The following SWAP70 variants were observed in gnomAD, a reference collection of about 807,000 sequenced individuals.
The protein encoded by SWAP70 is switch-associated protein 70.
Under a neutral mutation model 80.2 loss-of-function variants are expected in SWAP70, and 34 were observed. That is an observed-to-expected ratio of 0.42 (90% CI 0.32 to 0.56). SWAP70 has a LOEUF of 0.56. SWAP70 is among the 20% of genes least tolerant of loss of function. The probability of loss-of-function intolerance (pLI) is 0.09; values close to 1 mark genes in which losing one functional copy is unlikely to be tolerated. For missense variants in SWAP70, 578 were observed against 690.7 expected, an observed-to-expected ratio of 0.84 and a Z score of 1.83; for synonymous variants, 239 against 238.5, an observed-to-expected ratio of 1.00 and a Z score of -0.02.
At chr11:9,676,827 A>AT (rs553733867) in intron 1 of SWAP70, among the ~76,000 whole-genome samples, 217 of 151,120 alleles carry the variant, frequency 1.4e-3, no homozygotes, top group African/African-American at 4.9e-3. Context: ...TTTTTTTTGT[A>AT]TTTTTTTAGC....
At chr11:9,740,121 G>A in intron 8 of SWAP70, 60 bp from the exon 9 acceptor site, 1 of 1,537,816 alleles carries the variant, frequency 6.5e-7, no homozygotes, top group East Asian at 2.3e-5. Flanking sequence ...AGGTGGAGGT[G>A]AGGCTTTCCC....
At chr11:9,732,410 C>A (rs1183030791) in intron 6 of SWAP70, 119 bp from the exon 7 acceptor site, 83 of 1,043,772 alleles carry the variant, frequency 8.0e-5, no homozygotes, top group Non-Finnish European at 4.0e-5. Flanking sequence ...AAATCAGAAT[C>A]TACACTGGGC....
chr11:9,725,560 TATATATA>T (rs1359343015), intron 4 of SWAP70, among the ~76,000 whole-genome samples: 1,614 of 16,270 alleles, frequency 0.099, 29 homozygotes, highest in Non-Finnish European at 0.16. Context: ...TATATATATA[TATATATA>T]TATTTTTTTT....
intron 3 of SWAP70, among the ~76,000 whole-genome samples, chr11:9,718,739 C>T (rs555997829): frequency 1.1e-4 from 17 of 152,094 alleles, no homozygotes; most frequent in East Asian, 7.7e-4. Context: ...ATCCACTTAC[C>T]GTAATGATCA....
At chr11:9,733,925 A>G (rs1851331994) in intron 7 of SWAP70, among the ~76,000 whole-genome samples, 1 of 152,240 alleles carries the variant, frequency 6.6e-6, no homozygotes, top group Non-Finnish European at 1.5e-5. Context: ...CCATGAAAAT[A>G]CTACCCAGGT....
intron 7 of SWAP70, 118 bp downstream of exon 7, chr11:9,732,828 TGTG>T: frequency 2.1e-6 from 2 of 940,124 alleles, no homozygotes; most frequent in Non-Finnish European, 3.1e-6. Flanking sequence ...GGGAGATACT[TGTG>T]GTGAACTGTT....
At chr11:9,667,723 C>T (rs1850326391) in intron 1 of SWAP70, among the ~76,000 whole-genome samples, 2 of 151,962 alleles carry the variant, frequency 1.3e-5, no homozygotes, top group Non-Finnish European at 2.9e-5. Context: ...CCACTATGCC[C>T]AGCTAATGTT....
intron 1 of SWAP70, among the ~76,000 whole-genome samples, chr11:9,675,495 A>C (rs966698885): frequency 6.6e-6 from 1 of 151,892 alleles, no homozygotes; most frequent in Non-Finnish European, 1.5e-5. Flanking sequence ...CATAAACTAC[A>C]ATAGAAACAG....
intron 1 of SWAP70, among the ~76,000 whole-genome samples, chr11:9,671,571 TATAGAA>T (rs1850393955): frequency 1.7e-5 from 1 of 57,688 alleles, no homozygotes; most frequent in Non-Finnish European, 3.5e-5. Context: ...AATATATTTA[TATAGAA>T]ATATATTTCT....
chr11:9,718,109 C>T (rs1851088840), intron 3 of SWAP70, among the ~76,000 whole-genome samples: 1 of 152,230 alleles, frequency 6.6e-6, no homozygotes, highest in Non-Finnish European at 1.5e-5. Context: ...TGCAGGCTAA[C>T]AGAAATGTCT....
intron 8 of SWAP70, among the ~76,000 whole-genome samples, chr11:9,739,202 T>TC (rs1851403824): frequency 6.6e-6 from 1 of 152,224 alleles, no homozygotes; most frequent in South Asian, 2.1e-4. Flanking sequence ...TCTTAGGTAG[T>TC]TAGCTGGTTA....
chr11:9,684,118 GT>G (rs758433878), intron 1 of SWAP70, among the ~76,000 whole-genome samples: 11 of 151,848 alleles, frequency 7.2e-5, no homozygotes, highest in Non-Finnish European at 1.3e-4. Flanking sequence ...GTCTTACACT[GT>G]CACCCAGGCT....
At chr11:9,714,970 CTT>C (rs34803928) in intron 3 of SWAP70, among the ~76,000 whole-genome samples, 15 of 109,996 alleles carry the variant, frequency 1.4e-4, no homozygotes, top group African/African-American at 1.5e-4. Flanking sequence ...CCACACCTGC[CTT>C]TTTTTTTTTT....
At position 9,664,422 on chromosome 11, in the gene SWAP70, G is replaced by A. The variant is rs1046947977; in HGVS notation, c.99+144G>A. The A allele has an allele frequency of 9.1e-6, 8 of 882,300 alleles. No individual in the cohort carries two copies. The African/African-American group carries it at 1.2e-4, about 13-fold the overall frequency. The allele number at this position is 882,300 out of a possible 1,614,324, so 54.7% of individuals were successfully genotyped here. On this transcript the variant is annotated intron_variant, in intron 1 of 11. Transcript: ENST00000318950. ...CCGGTAGGCCCGCTTGGGGCGGAGT[G>A]GGTCTGAGACCGGGATTTGGTGTTT...
chr11:9,708,710 A>C (rs752025892), intron 2 of SWAP70, among the ~76,000 whole-genome samples: 2 of 152,156 alleles, frequency 1.3e-5, no homozygotes, highest in Non-Finnish European at 2.9e-5. Flanking sequence ...GAGCAAGGCT[A>C]TCTGCTTTTG....
In SWAP70 at chr11:9,713,491, A is replaced by T. The variant is rs1461124978; in HGVS notation, c.266A>T (p.Glu89Val). The T allele has an allele frequency of 1.1e-5, 17 of 1,612,018 alleles. No individual in the cohort carries two copies. Among genetic ancestry groups the T allele is most frequent in the Non-Finnish European group, 1.4e-5 (17 of 1,179,444 alleles). ...GTCCAAGACAACTTTGACAAGATTG[A>T]ATTCAATAGGATGTGTTGGACCCTC... ...EKVQDNFDKI[E>V]FNRMCWTLCV... Residue 89 changes from glutamate (E) to valine (V), a missense_variant, in exon 3 of 12, where the codon GAA (glutamate) becomes GTA (valine). Physicochemically the swap from Glu to Val is moderately radical, Grantham distance 121. Transcript: ENST00000318950.
chr11:9,736,551 G>T (rs756161445), intron 7 of SWAP70, among the ~76,000 whole-genome samples: 2 of 152,026 alleles, frequency 1.3e-5, no homozygotes, highest in African/African-American at 2.4e-5. Context: ...GACTTGGCTG[G>T]ACTATTTCAG....
rs113413903 is a variant in SWAP70, at chr11:9,699,866, GTATATATA to G, written c.240+5597_240+5604del. 3.6e-3 allele frequency among the ~76,000 whole-genome samples: 526 copies of G among 144,124 alleles called. 3 individuals carry two copies. The highest frequency in any genetic ancestry group is 0.012 in the African/African-American group (482 of 39,030). 94.6% of individuals were successfully genotyped at this position (144,124 alleles called of 152,430 possible). The stretch of plus-strand genomic sequence containing the variant: ...CTGTGTCACCCAGGCTGTATAGTGT[GTATATATA>G]TATATATATATATATAGTCTCTAGA... On this transcript the variant is annotated intron_variant, in intron 2 of 11. Transcript: ENST00000318950.
rs74833817 is a variant in SWAP70 at position 9,703,372 on chromosome 11, G to A, written c.240+9086G>A. ...GGGTTGTTCACTTTAGTGCAATCAC[G>A]TTGGCCTTCTCTCTGTTCCCCAGAT... is the stretch of plus-strand genomic sequence containing the variant. On this transcript the variant is annotated intron_variant, in intron 2 of 11. Transcript: ENST00000318950. 2.4e-3 allele frequency: 1,108 copies of A among 456,210 alleles called. 13 individuals carry two copies. The highest frequency in any genetic ancestry group is 0.02 in the African/African-American group (988 of 50,160). The allele number at this position is 456,210 out of a possible 1,614,324, so 28.3% of individuals were successfully genotyped here. A position where few individuals can be genotyped will look rare whatever the true frequency, so the allele number is the denominator to read the frequency against.
Sources: gnomAD v4.1 joint callset for allele counts (sites outside exome capture counted in the v4.1 genomes callset) on GRCh38, gnomAD v4.1.1 for gene constraint, MANE v1.5 for transcripts, NCBI Gene and HGNC (gene_info 2026-07-23, HGNC 2026-07-21) for gene names.